The following ZFYVE16 variants were observed in gnomAD, a reference collection of about 807,000 sequenced individuals.
ZFYVE16 encodes the protein zinc finger FYVE domain-containing protein 16.
A neutral mutation model predicts 138.1 loss-of-function variants in ZFYVE16; 89 were observed. The ratio of observed to expected loss-of-function variants is 0.64; its 90% CI spans 0.54 to 0.77. The LOEUF is 0.77. Ranked by LOEUF, ZFYVE16 falls within the 30% of genes least tolerant of loss-of-function variation. ZFYVE16 has a pLI of 0.00. For missense variants in ZFYVE16, 1,793 were observed against 1,786.7 expected (o/e 1.00, Z -0.06); for synonymous variants, 596 against 618.3 (o/e 0.96, Z 0.53).
Position 80,421,110 on chromosome 5 carries a change from A to G in ZFYVE16, c.-93-6382A>G, listed in dbSNP as rs1322278696. Among the ~76,000 whole-genome samples, 9 of 152,082 alleles carry G rather than the reference A, an allele frequency of 5.9e-5. No homozygotes were observed. In the South Asian group the frequency reaches 6.2e-4, roughly 11 times the overall value. The stretch of plus-strand genomic sequence containing the variant: ...AAATGTCTTCTTTTGAGAAGTGTCT[A>G]TTCATATCCTTCGCCCACTTTTTGA... On this transcript the variant is annotated intron_variant, in intron 1 of 18. Transcript: ENST00000505560.
chr5:80,457,557 C>T (rs1190518968), intron 14 of ZFYVE16, among the ~76,000 whole-genome samples: 11 of 152,098 alleles, frequency 7.2e-5, no homozygotes, highest in Non-Finnish European at 1.6e-4. Flanking sequence ...CAAACCCTTG[C>T]AGTAGAAGGC....
chr5:80,429,208 A>C (rs1185040469), intron 2 of ZFYVE16, among the ~76,000 whole-genome samples: 1 of 152,236 alleles, frequency 6.6e-6, no homozygotes, highest in Non-Finnish European at 1.5e-5. Flanking sequence ...CCAGAGAGAA[A>C]GGTCAGGTTA....
At position 80,481,134 on chromosome 5, in the gene ZFYVE16, C is replaced by A. The variant is rs1400288408; in HGVS notation, c.*3757C>A. Among the ~76,000 whole-genome samples, 1 of 152,082 alleles carries A rather than the reference C, an allele frequency of 6.6e-6. No individual in the cohort carries two copies. The highest frequency in any genetic ancestry group is 1.5e-5 in the Non-Finnish European group (1 of 67,996). On this transcript the variant is annotated 3_prime_UTR_variant, in exon 19 of 19. Transcript: ENST00000505560. ...GAGAACCATGGGTAATGACTTGGAA[C>A]CTTCTGGACTTTCCTTGCTCTACAT... is the stretch of plus-strand genomic sequence containing the variant.
At chr5:80,474,579 A>T (rs1361386780) in intron 17 of ZFYVE16, 84 bp from the exon 18 acceptor site, 2 of 1,348,700 alleles carry the variant, frequency 1.5e-6, no homozygotes, top group African/African-American at 2.9e-5. Context: ...TTACATTGGA[A>T]TTTAATTAAA....
chr5:80,449,443 T>C, intron 8 of ZFYVE16, 148 bp from the exon 9 acceptor site: 7 of 715,192 alleles, frequency 9.8e-6, no homozygotes, highest in Non-Finnish European at 1.5e-5. Context: ...ATATAACAGT[T>C]GTCTGGGGTG....
chr5:80,470,064 C>CGT (rs369109701), intron 15 of ZFYVE16, among the ~76,000 whole-genome samples: 838 of 59,514 alleles, frequency 0.014, 19 homozygotes, highest in African/African-American at 0.032. Context: ...TGTATATATA[C>CGT]GTGTGTGTGT....
intron 1 of ZFYVE16, among the ~76,000 whole-genome samples, chr5:80,415,099 T>C (rs1746015334): frequency 6.6e-6 from 1 of 152,252 alleles, no homozygotes; most frequent in African/African-American, 2.4e-5. Context: ...TTCTCTAATT[T>C]CTAATATTTT....
In ZFYVE16 at chr5:80,474,684, C is replaced by T; in HGVS notation, c.4315C>T (p.Gln1439Ter). ...CTEVFYFLKD[Q>*]DLSILSTSYQ... ...TCAGGTGTTCTACTTTCTAAAGGAC[C>T]AGGATTTATCTATTTTATCAACTTC... is the stretch of plus-strand genomic sequence containing the variant. Residue 1439 changes from glutamine to a stop codon, truncating the protein, a stop_gained, in exon 18 of 19, where the codon CAG becomes TAG. Coordinates refer to ENST00000505560, the MANE Select transcript of ZFYVE16 (RefSeq NM_001284236.3). LOFTEE classifies it high-confidence loss of function. The T allele has an allele frequency of 6.2e-7, 1 of 1,612,368 alleles. No individual in the cohort carries two copies. The highest frequency in any genetic ancestry group is 8.5e-7 in the Non-Finnish European group (1 of 1,179,108).
intron 1 of ZFYVE16, among the ~76,000 whole-genome samples, chr5:80,424,263 T>C (rs1172471601): frequency 6.6e-6 from 1 of 152,144 alleles, no homozygotes; most frequent in Non-Finnish European, 1.5e-5. Flanking sequence ...AAACAGTGCT[T>C]TCACTGCAGC....
intron 11 of ZFYVE16, chr5:80,454,347 C>T (rs999868983): frequency 5.3e-5 from 8 of 152,246 alleles, no homozygotes; most frequent in African/African-American, 1.4e-4. Context: ...AATAGTCTTG[C>T]CTTCCTTTTC....
intron 11 of ZFYVE16, chr5:80,452,536 A>G (rs943424480): frequency 6.6e-5 from 10 of 151,988 alleles, no homozygotes; most frequent in African/African-American, 2.2e-4. Flanking sequence ...TACTTTTGCT[A>G]AAATTTTCTT....
chr5:80,477,242 A>G lies in ZFYVE16; in HGVS notation c.4485A>G (p.Glu1495=). The change falls in exon 19 of 19, where the codon GAA becomes GAG. Residue 1495 remains glutamate, a synonymous_variant. Coordinates refer to ENST00000505560, the MANE Select transcript of ZFYVE16 (RefSeq NM_001284236.3). The part of the protein sequence containing the change: ...TDMVEFQAGS[E]GQLLPQHYLN... The stretch of plus-strand genomic sequence containing the variant: ...AGGTTGAATTTCAGGCAGGATCTGA[A>G]GGCCAACTTCTGCCTCAGCATTATC... The G allele has an allele frequency of 6.3e-7, 1 of 1,597,404 alleles. No individual in the cohort carries two copies. Among genetic ancestry groups the G allele is most frequent in the Non-Finnish European group, 8.5e-7 (1 of 1,175,734 alleles).
intron 5 of ZFYVE16, chr5:80,441,678 G>A: frequency 1.3e-5 from 11 of 866,884 alleles, no homozygotes; most frequent in Non-Finnish European, 1.4e-5. Context: ...GAGTTTCAAG[G>A]AAGCACACGT....
In ZFYVE16 at chr5:80,448,593, A is replaced by G. The variant is rs571525436; in HGVS notation, c.3103+189A>G. On this transcript the variant is annotated intron_variant, in intron 8 of 18. Coordinates refer to ENST00000505560, the MANE Select transcript of ZFYVE16 (RefSeq NM_001284236.3). ...AAAAATATTTGAACTTTTATGATCC[A>G]TTTATCACATCTGGCCCACTAATTT... Among the ~76,000 whole-genome samples, 416 of 152,282 alleles carry G rather than the reference A, an allele frequency of 2.7e-3. 1 individual carries two copies. Among genetic ancestry groups the G allele is most frequent in the Non-Finnish European group, 4.2e-3 (283 of 68,014 alleles).
At chr5:80,464,141 A>C (rs1170229174) in intron 15 of ZFYVE16, among the ~76,000 whole-genome samples, 1 of 152,162 alleles carries the variant, frequency 6.6e-6, no homozygotes, top group African/African-American at 2.4e-5. Context: ...AAGTATCTTT[A>C]TAGCAACACC....
At chr5:80,471,394 C>T (rs1367988238) in intron 15 of ZFYVE16, among the ~76,000 whole-genome samples, 1 of 152,190 alleles carries the variant, frequency 6.6e-6, no homozygotes, top group Non-Finnish European at 1.5e-5. Flanking sequence ...TACTGATGCA[C>T]ACACTATATT....
intron 1 of ZFYVE16, among the ~76,000 whole-genome samples, chr5:80,425,847 A>G (rs1456001242): frequency 6.6e-6 from 1 of 152,188 alleles, no homozygotes; most frequent in East Asian, 1.9e-4. Context: ...CCACCATTAT[A>G]AAGTTCCCCG....
chr5:80,434,248 G>C, intron 3 of ZFYVE16, 31 bp downstream of exon 3: 1 of 1,607,858 alleles, frequency 6.2e-7, no homozygotes, highest in Non-Finnish European at 8.5e-7. Context: ...TGCCGCTAAT[G>C]GGATTTAAAA....
At chr5:80,434,076 A>T in intron 2 of ZFYVE16, 33 bp from the exon 3 acceptor site, 1 of 1,395,472 alleles carries the variant, frequency 7.2e-7, no homozygotes, top group South Asian at 1.3e-5. Context: ...TTATGTAATT[A>T]AATGAAATAT....
Sources: gnomAD v4.1 joint callset for allele counts (sites outside exome capture counted in the v4.1 genomes callset) on GRCh38, gnomAD v4.1.1 for gene constraint, MANE v1.5 for transcripts, NCBI Gene and HGNC (gene_info 2026-07-23, HGNC 2026-07-21) for gene names.